The following LARP6 variants were observed in gnomAD, a reference collection of about 807,000 sequenced individuals.
LARP6 encodes the protein la-related protein 6.
In LARP6, 18 loss-of-function variants were observed where a neutral mutation model predicts 32.8. The ratio of observed to expected loss-of-function variants is 0.55; its 90% CI spans 0.38 to 0.81. The LOEUF (loss-of-function observed/expected upper bound fraction) is 0.81. Ranked by LOEUF, LARP6 falls within the 40% of genes least tolerant of loss-of-function variation. The pLI, the probability that LARP6 is intolerant of heterozygous loss-of-function variation, is 0.00. For missense variants in LARP6, 598 were observed against 663.1 expected, an observed-to-expected ratio of 0.90 and a Z score of 1.08; for synonymous variants, 289 against 267.2, an observed-to-expected ratio of 1.08 and a Z score of -0.80.
chr15:70,851,081 A>C (rs974468617), intron 1 of LARP6, among the ~76,000 whole-genome samples: 2 of 152,202 alleles, frequency 1.3e-5, no homozygotes, highest in African/African-American at 4.8e-5. Flanking sequence ...CTTGGCTATT[A>C]GCTTATCTTC....
At chr15:70,851,727 G>A in intron 1 of LARP6, 2 of 1,614,096 alleles carry the variant, frequency 1.2e-6, no homozygotes, top group Non-Finnish European at 1.7e-6. Context: ...ATTCCTGTGA[G>A]GGAGACACAA....
rs1218321587 is a variant in LARP6 at position 70,829,272 on chromosome 15, G to C, written c.*2780C>G. Reference sequence around the variant, plus strand: ...TCCTGCCTCCGCCTCCCAAGTAGCTGGGATTACAGGTGCGTGCCACCATGC... The same window carrying C: ...TCCTGCCTCCGCCTCCCAAGTAGCTCGGATTACAGGTGCGTGCCACCATGC... On this transcript the variant is annotated 3_prime_UTR_variant, in exon 3 of 3. Transcript: ENST00000299213. The C allele has an allele frequency of 6.6e-6, 1 of 152,424 alleles. No homozygotes were observed. Among genetic ancestry groups the C allele is most frequent in the Non-Finnish European group, 1.5e-5 (1 of 68,242 alleles). 9.4% of individuals were successfully genotyped at this position (152,424 alleles called of 1,614,324 possible).
rs762007722 is a variant in LARP6 at position 70,832,903 on chromosome 15, C to A, written c.625G>T (p.Val209Leu). 18 of 1,603,940 alleles carry A rather than the reference C, an allele frequency of 1.1e-5. No individual in the cohort carries two copies. In the South Asian group the frequency reaches 2.0e-4, roughly 18 times the overall value. ...ALATPQKNGR[V>L]QEKVMEHLLK... Reference sequence around the variant, plus strand: ...AGGTGTTCCATCACCTTCTCTTGCACCCTTCCATTCTTCTGGGGGGTGGCC... The same window carrying A: ...AGGTGTTCCATCACCTTCTCTTGCAACCTTCCATTCTTCTGGGGGGTGGCC... The change falls in exon 3 of 3, where the codon GTG (valine) becomes TTG (leucine). Residue 209 changes from valine (V) to leucine (L), a missense_variant. Physicochemically the swap from Val to Leu is conservative, Grantham distance 32 (BLOSUM62 1). Coordinates refer to ENST00000299213, the MANE Select transcript of LARP6 (RefSeq NM_018357.4).
At position 70,831,741 on chromosome 15, in the gene LARP6, T is replaced by C. The variant is rs1365964239; in HGVS notation, c.*311A>G. 2 of 210,942 alleles carry C rather than the reference T, an allele frequency of 9.5e-6. No homozygotes were observed. Among genetic ancestry groups the C allele is most frequent in the Non-Finnish European group, 1.9e-5 (2 of 107,440 alleles). The allele number at this position is 210,942 out of a possible 1,614,324, so 13.1% of individuals were successfully genotyped here. A position where few individuals can be genotyped will look rare whatever the true frequency, so the allele number is the denominator to read the frequency against. The stretch of plus-strand genomic sequence containing the variant: ...TCCATACCAAAGAAGAGAGAAAAAT[T>C]CCATACCAAAGAACAGACTTCCCCC... On this transcript the variant is annotated 3_prime_UTR_variant, in exon 3 of 3. Transcript: ENST00000299213.
In LARP6 at chr15:70,854,034, G is replaced by A. The variant is rs1194378532; in HGVS notation, c.55C>T (p.Arg19Cys). 4 of 1,447,404 alleles carry A rather than the reference G, an allele frequency of 2.8e-6. No individual in the cohort carries two copies. Among genetic ancestry groups the A allele is most frequent in the East Asian group, 3.1e-5 (1 of 32,518 alleles). 89.7% of individuals were successfully genotyped at this position (1,447,404 alleles called of 1,614,324 possible). A position where few individuals can be genotyped will look rare whatever the true frequency, so the allele number is the denominator to read the frequency against. ...TCCTCGGCCTCCTGGATGGCGACGC[G>A]GATCTGCACCGCCGTCTTGGGCCCG... Reference protein sequence around the residue: ...RPGPKTAVQIRVAIQEAEDVD... With the variant: ...RPGPKTAVQICVAIQEAEDVD... The change falls in exon 1 of 3, where the codon CGC (arginine) becomes TGC (cysteine). Residue 19 changes from arginine (R) to cysteine (C), a missense_variant. Arg to Cys is a radical substitution (Grantham distance 180). Transcript: ENST00000299213.
At chr15:70,838,054 CAA>C (rs1464264341) in intron 1 of LARP6, among the ~76,000 whole-genome samples, 1 of 152,094 alleles carries the variant, frequency 6.6e-6, no homozygotes, top group Admixed American at 6.5e-5. Flanking sequence ...GTGCATGAAA[CAA>C]AGTTTCTGAA....
chr15:70,853,789 C>G, intron 1 of LARP6, 100 bp downstream of exon 1: 1 of 908,010 alleles, frequency 1.1e-6, no homozygotes. Context: ...GACTCAACCC[C>G]CTCTGCCCGA....
chr15:70,845,722 T>G (rs2032333788), intron 1 of LARP6, among the ~76,000 whole-genome samples: 1 of 152,236 alleles, frequency 6.6e-6, no homozygotes, highest in Non-Finnish European at 1.5e-5. Context: ...TGCTTTTTCT[T>G]AGTGGGTTGT....
In LARP6 at chr15:70,831,163, A is replaced by G. The variant is rs1286499195; in HGVS notation, c.*889T>C. 2 of 152,220 alleles carry G rather than the reference A, an allele frequency of 1.3e-5. No individual in the cohort carries two copies. Among genetic ancestry groups the G allele is most frequent in the East Asian group, 3.9e-4 (2 of 5,190 alleles). 9.4% of individuals were successfully genotyped at this position (152,220 alleles called of 1,614,324 possible). A position where few individuals can be genotyped will look rare whatever the true frequency, so the allele number is the denominator to read the frequency against. ...GTTGGCCTGAGAATCTGGATTTCTA[A>G]TAAGTTCCCAGGTGAGATCAATGCT... On this transcript the variant is annotated 3_prime_UTR_variant, in exon 3 of 3. Coordinates refer to ENST00000299213, the MANE Select transcript of LARP6 (RefSeq NM_018357.4).
chr15:70,854,145 G>T lies in LARP6; in HGVS notation c.-57C>A. On this transcript the variant is annotated 5_prime_UTR_variant, in exon 1 of 3. Coordinates refer to ENST00000299213, the MANE Select transcript of LARP6 (RefSeq NM_018357.4). ...TCACGCCGCAAGGCCCAGCCAGCCGGTCGGCAGCGACTGCGACGAGGGGGC... is the reference window on the plus strand; with the variant it reads ...TCACGCCGCAAGGCCCAGCCAGCCGTTCGGCAGCGACTGCGACGAGGGGGC... The T allele has an allele frequency of 8.4e-7, 1 of 1,185,242 alleles. No individual in the cohort carries two copies. Among genetic ancestry groups the T allele is most frequent in the Non-Finnish European group, 1.1e-6 (1 of 951,988 alleles). 73.4% of individuals were successfully genotyped at this position (1,185,242 alleles called of 1,614,324 possible). A position where few individuals can be genotyped will look rare whatever the true frequency, so the allele number is the denominator to read the frequency against.
rs560989836 is a variant in LARP6 at position 70,846,232 on chromosome 15, G to C, written c.200+7657C>G. ...ATGTTTTGAAGAACAGCTAGAGTAT[G>C]TCACTGCTTTACTTGATGTCACTGA... On this transcript the variant is annotated intron_variant, in intron 1 of 2. Coordinates refer to ENST00000299213, the MANE Select transcript of LARP6 (RefSeq NM_018357.4). Among the ~76,000 whole-genome samples, 3 of 152,260 alleles carry C rather than the reference G, an allele frequency of 2.0e-5. No homozygotes were observed. In the East Asian group the frequency reaches 5.8e-4, roughly 29 times the overall value.
At chr15:70,839,546 C>T (rs1356856068) in intron 1 of LARP6, among the ~76,000 whole-genome samples, 2 of 152,052 alleles carry the variant, frequency 1.3e-5, no homozygotes, top group Non-Finnish European at 2.9e-5. Flanking sequence ...TAAGCTGACT[C>T]ACCCAACATC....
chr15:70,845,214 C>T (rs2032324184), intron 1 of LARP6, among the ~76,000 whole-genome samples: 1 of 151,952 alleles, frequency 6.6e-6, no homozygotes. Context: ...TTCAGATTTC[C>T]TTAGTTTTGC....
intron 1 of LARP6, 123 bp downstream of exon 1, chr15:70,853,766 C>G (rs1324090137): frequency 4.2e-6 from 3 of 706,594 alleles, no homozygotes; most frequent in African/African-American, 1.9e-5. Context: ...GCTGCTTCCC[C>G]GGCGGCGGGG....
chr15:70,851,144 A>G (rs1321883651), intron 1 of LARP6, among the ~76,000 whole-genome samples: 3 of 152,202 alleles, frequency 2.0e-5, no homozygotes, highest in African/African-American at 7.2e-5. Flanking sequence ...TAATAGTGTT[A>G]GGGCTTTATA....
chr15:70,843,480 C>T (rs1186730549), intron 1 of LARP6, among the ~76,000 whole-genome samples: 10 of 152,092 alleles, frequency 6.6e-5, no homozygotes, highest in African/African-American at 1.9e-4. Flanking sequence ...ATAAAATATG[C>T]TTATAGCTCT....
At position 70,853,986 on chromosome 15, in the gene LARP6, CCTCGTCCTCCAA is replaced by C. The variant is rs2032571702; in HGVS notation, c.91_102del (p.Leu31_Glu34del). ...GCGCCCCGAGTCTCCGCCCCCTCCT[CCTCGTCCTCCAA>C]CTCGTCCACGTCCTCGGCCTCCTGG... On this transcript the variant is annotated inframe_deletion, in exon 1 of 3. Coordinates refer to ENST00000299213, the MANE Select transcript of LARP6 (RefSeq NM_018357.4). The C allele has an allele frequency of 6.8e-7, 1 of 1,465,034 alleles. No individual in the cohort carries two copies. Among genetic ancestry groups the C allele is most frequent in the Non-Finnish European group, 9.1e-7 (1 of 1,103,284 alleles). The allele number at this position is 1,465,034 out of a possible 1,614,324, so 90.8% of individuals were successfully genotyped here. A position where few individuals can be genotyped will look rare whatever the true frequency, so the allele number is the denominator to read the frequency against.
At chr15:70,844,109 AC>A (rs2032307300) in intron 1 of LARP6, among the ~76,000 whole-genome samples, 1 of 147,912 alleles carries the variant, frequency 6.8e-6, no homozygotes, top group Admixed American at 6.8e-5. Flanking sequence ...GGCACACACC[AC>A]CCCACCCAGC....
chr15:70,851,605 T>C (rs1299138250), intron 1 of LARP6: 11 of 1,603,410 alleles, frequency 6.9e-6, no homozygotes, highest in Non-Finnish European at 9.4e-6. Flanking sequence ...GTGAGTGTGA[T>C]GATAGAGATA....
Sources: gnomAD v4.1 joint callset for allele counts (sites outside exome capture counted in the v4.1 genomes callset) on GRCh38, gnomAD v4.1.1 for gene constraint, MANE v1.5 for transcripts, NCBI Gene and HGNC (gene_info 2026-07-23, HGNC 2026-07-21) for gene names.